Variants in CCDC88C observed in about 807,000 individuals in gnomAD.
CCDC88C encodes protein Daple.
CCDC88C carries 131 observed loss-of-function variants against 198.8 expected under a neutral mutation model. The ratio of observed to expected loss-of-function variants is 0.66; its 90% CI spans 0.57 to 0.76. CCDC88C has a LOEUF of 0.76. Among genes scored for constraint, CCDC88C ranks in the 30% least tolerant of loss-of-function variants. The pLI is 0.00. For synonymous variants in CCDC88C, 1,166 were observed against 1,114.7 expected, an observed-to-expected ratio of 1.05 and a Z score of -0.92; for missense variants, 2,553 against 2,631.6, an observed-to-expected ratio of 0.97 and a Z score of 0.65.
chr14:91,401,601 C>T (rs1886208522), intron 3 of CCDC88C, among the ~76,000 whole-genome samples: 1 of 151,970 alleles, frequency 6.6e-6, no homozygotes, highest in Admixed American at 6.6e-5. Context: ...TCCCAAAGTG[C>T]TGGGATTACA....
chr14:91,409,956 T>C (rs1886713934), intron 2 of CCDC88C, among the ~76,000 whole-genome samples: 2 of 152,244 alleles, frequency 1.3e-5, no homozygotes, highest in African/African-American at 4.8e-5. Context: ...TATGGCACTC[T>C]ATGGTGTACA....
chr14:91,372,528 C>CGGGGGGGGGGGGGGG (rs199749681), intron 3 of CCDC88C, among the ~76,000 whole-genome samples: 4 of 24,534 alleles, frequency 1.6e-4, no homozygotes, highest in African/African-American at 5.6e-4. Context: ...GGCAGTGGTG[C>CGGGGGGGGGGGGGGG]GGGGGGGGGC....
intron 3 of CCDC88C, among the ~76,000 whole-genome samples, chr14:91,399,853 A>AG (rs1255767888): frequency 4.7e-5 from 7 of 148,952 alleles, no homozygotes; most frequent in East Asian, 4.0e-4. Context: ...AAAAAAAAAA[A>AG]AAAGAAGAAG....
In CCDC88C at chr14:91,371,777, C is replaced by T. The variant is rs1318050110; in HGVS notation, c.271-12066G>A. Among the ~76,000 whole-genome samples, 3 of 152,330 alleles carry T rather than the reference C, an allele frequency of 2.0e-5. No homozygotes were observed. In the South Asian group the frequency reaches 6.2e-4, roughly 32 times the overall value. On this transcript the variant is annotated intron_variant, in intron 3 of 29. Transcript: ENST00000389857. This position sits in a 1 kb window ranked among gnomAD's most constrained non-coding sequence, Gnocchi z 4.2. ...GCTCACCCACCCAGGCCCACAGGCA[C>T]CTATGCCAGGGCAGGGCTGGGGCCA...
chr14:91,385,639 G>A (rs555677482), intron 3 of CCDC88C, among the ~76,000 whole-genome samples: 8 of 152,210 alleles, frequency 5.3e-5, no homozygotes, highest in South Asian at 2.1e-4. Context: ...AGGGTGTGCC[G>A]AACAGGGGGC....
At chr14:91,299,243 T>C (rs1427390855) in intron 21 of CCDC88C, among the ~76,000 whole-genome samples, 3 of 152,200 alleles carry the variant, frequency 2.0e-5, no homozygotes, top group Non-Finnish European at 4.4e-5. Flanking sequence ...ATCTAAGACT[T>C]TTTCTCTGTA....
rs139855749 is a variant in CCDC88C, at chr14:91,413,348, C to T, written c.161+3390G>A. Among the ~76,000 whole-genome samples, 29 of 152,272 alleles carry T rather than the reference C, an allele frequency of 1.9e-4. No individual in the cohort carries two copies. The East Asian group carries it at 5.0e-3, about 26-fold the overall frequency. ...AAAATACCATCCCCTTATTACAGAT[C>T]AGGAAATCAAGGCTTAGAGAGTTTC... On this transcript the variant is annotated intron_variant, in intron 2 of 29. Coordinates refer to ENST00000389857, the MANE Select transcript of CCDC88C (RefSeq NM_001080414.4).
intron 13 of CCDC88C, among the ~76,000 whole-genome samples, chr14:91,318,214 G>T (rs1443752712): frequency 1.3e-5 from 2 of 151,990 alleles, no homozygotes; most frequent in African/African-American, 4.8e-5. Context: ...GAGCCCAGGG[G>T]TTTGAGACCA....
intron 27 of CCDC88C, 41 bp from the exon 28 acceptor site, chr14:91,279,347 C>T (rs918722562): frequency 6.6e-7 from 1 of 1,506,010 alleles, no homozygotes; most frequent in East Asian, 2.4e-5. Context: ...AAGCCAATGA[C>T]CAGGTATATC....
In CCDC88C at chr14:91,313,970, G is replaced by A. The variant is rs370028880; in HGVS notation, c.1846C>T (p.Leu616=). Residue 616 remains leucine, a synonymous_variant, in exon 15 of 30, where the codon CTG becomes TTG. Transcript: ENST00000389857. The surrounding 1 kb of genome is among the most constrained non-coding windows in gnomAD (Gnocchi z 5.2). ...TTGGCCTGCTCCAAGTCCCTGTGCA[G>A]CTGCCGCTTCTCAAACTCCAACTGG... ...LSQLEFEKRQ[L]HRDLEQAKEK... 1 of 1,613,690 alleles carries A rather than the reference G, an allele frequency of 6.2e-7. No homozygotes were observed. The highest frequency in any genetic ancestry group is 1.3e-5 in the African/African-American group (1 of 74,950).
intron 3 of CCDC88C, among the ~76,000 whole-genome samples, chr14:91,375,152 C>T (rs541926195): frequency 6.6e-6 from 1 of 152,168 alleles, no homozygotes; most frequent in Non-Finnish European, 1.5e-5. Flanking sequence ...TGGGCGGTCT[C>T]GCTCCCCAGG....
chr14:91,404,147 C>G (rs972426184), intron 3 of CCDC88C, among the ~76,000 whole-genome samples: 9 of 152,166 alleles, frequency 5.9e-5, no homozygotes, highest in South Asian at 2.1e-4. Flanking sequence ...GACAGGCCAG[C>G]CTTTTCTTCT....
Position 91,337,961 on chromosome 14 carries a change from T to A in CCDC88C, c.1050+44A>T, listed in dbSNP as rs1013587895. On this transcript the variant is annotated intron_variant, in intron 10 of 29. Coordinates refer to ENST00000389857, the MANE Select transcript of CCDC88C (RefSeq NM_001080414.4). ...TCAGTCTGAATGTGCTTCTCAGGAA[T>A]TTCCAGCAGCCCCATCCAGGGGCCT... 4 of 1,601,776 alleles carry A rather than the reference T, an allele frequency of 2.5e-6. No homozygotes were observed. The African/African-American group carries it at 4.0e-5, about 16-fold the overall frequency.
intron 3 of CCDC88C, among the ~76,000 whole-genome samples, chr14:91,377,149 C>T (rs1389696026): frequency 6.6e-6 from 1 of 152,236 alleles, no homozygotes; most frequent in Non-Finnish European, 1.5e-5. Context: ...ACTGCCTGCC[C>T]TGAGCTTTTC....
chr14:91,276,929 G>A (rs1430084021), intron 29 of CCDC88C, among the ~76,000 whole-genome samples: 1 of 152,200 alleles, frequency 6.6e-6, no homozygotes, highest in Non-Finnish European at 1.5e-5. Flanking sequence ...CTAGCCGCCT[G>A]TTTTTGTATA....
chr14:91,277,944 C>G lies in CCDC88C; in HGVS notation c.5036G>C (p.Ser1679Thr), dbSNP rs1890031561. 1.3e-6 allele frequency: 2 copies of G among 1,519,276 alleles called. No individual in the cohort carries two copies. The highest frequency in any genetic ancestry group is 8.9e-7 in the Non-Finnish European group (1 of 1,124,780). The allele number at this position is 1,519,276 out of a possible 1,614,324, so 94.1% of individuals were successfully genotyped here. Reference protein sequence around the residue: ...MVTLEEFLEESNRSSPTHDTP... With the variant: ...MVTLEEFLEETNRSSPTHDTP... The stretch of plus-strand genomic sequence containing the variant: ...CACATGGGTGGGGGAGCTGCGGTTG[C>G]TCTCCTCCAGGAACTCCTCCAAGGT... Residue 1679 changes from serine (S) to threonine (T), a missense_variant, in exon 29 of 30, where the codon AGC (serine) becomes ACC (threonine). Ser to Thr is a moderately conservative substitution (Grantham distance 58, BLOSUM62 1). Around this residue, in one of 2 missense-constraint regions of CCDC88C, gnomAD observed 1,293 missense variants for 1,219.6 expected, o/e 1.06. Transcript: ENST00000389857.
chr14:91,409,511 G>A (rs910767444), intron 2 of CCDC88C, among the ~76,000 whole-genome samples: 18 of 137,080 alleles, frequency 1.3e-4, no homozygotes, highest in African/African-American at 3.9e-4. Context: ...TTTTTGAGAC[G>A]GAGTCTTGCT....
intron 3 of CCDC88C, among the ~76,000 whole-genome samples, chr14:91,391,547 G>A (rs1385592569): frequency 6.6e-6 from 1 of 152,178 alleles, no homozygotes; most frequent in Non-Finnish European, 1.5e-5. Context: ...GGGAGGCCGA[G>A]GCGGGCAGAT....
intron 17 of CCDC88C, among the ~76,000 whole-genome samples, 188 bp downstream of exon 17, chr14:91,308,163 T>G (rs916545543): frequency 6.6e-6 from 1 of 152,222 alleles, no homozygotes; most frequent in African/African-American, 2.4e-5. Flanking sequence ...CTGTGGCTCT[T>G]ATTCTGGTTC....
Sources: allele counts gnomAD v4.1 joint callset (sites outside exome capture counted in the v4.1 genomes callset), GRCh38; gene constraint gnomAD v4.1.1; regional missense constraint gnomAD v4.1.1; non-coding constraint Gnocchi (gnomAD v3.1); transcripts MANE v1.5; gene names NCBI Gene and HGNC (gene_info 2026-07-23, HGNC 2026-07-21).